Variants in C1orf105 observed in about 807,000 individuals in gnomAD.
C1orf105 encodes uncharacterized protein C1orf105.
In C1orf105, 17 loss-of-function variants were observed where a neutral mutation model predicts 20.8. The ratio of observed to expected loss-of-function variants is 0.82; its 90% confidence interval spans 0.56 to 1.23. The LOEUF (loss-of-function observed/expected upper bound fraction) is 1.23, where lower values mean the gene tolerates loss of function less well. C1orf105 is among the 50% of genes most tolerant of loss of function. The pLI is 0.00. For synonymous variants in C1orf105, 72 were observed against 72.1 expected, an observed-to-expected ratio of 1.00 and a Z score of 0.01; for missense variants, 219 against 213.5, an observed-to-expected ratio of 1.03 and a Z score of -0.16.
intron 1 of C1orf105, among the ~76,000 whole-genome samples, chr1:172,434,298 A>G (rs1450915897): frequency 6.6e-6 from 1 of 152,226 alleles, no homozygotes; most frequent in African/African-American, 2.4e-5. Flanking sequence ...AACAAAATAT[A>G]CATTCTTTTC....
Position 172,448,440 on chromosome 1 carries a change from G to A in C1orf105, c.108-1G>A. On this transcript the variant is annotated splice_acceptor_variant, in intron 2 of 6. Transcript: ENST00000367727. LOFTEE classifies it high-confidence loss of function. ...AACGTTCTCTTGTTTTAATTACTTA[G>A]ATATCCTCATACCTCTGCGACTTTT... is the stretch of plus-strand genomic sequence containing the variant. 3 of 1,598,742 alleles carry A rather than the reference G, an allele frequency of 1.9e-6. No homozygotes were observed. Among genetic ancestry groups the A allele is most frequent in the South Asian group, 1.1e-5 (1 of 90,126 alleles).
chr1:172,453,225 C>A (rs1648860827), intron 3 of C1orf105: 1 of 1,543,796 alleles, frequency 6.5e-7, no homozygotes, highest in East Asian at 2.5e-5. Flanking sequence ...TGCTTTTTAC[C>A]TTTAAATGTA....
chr1:172,461,232 G>A (rs1649670439), intron 4 of C1orf105, among the ~76,000 whole-genome samples: 1 of 152,184 alleles, frequency 6.6e-6, no homozygotes, highest in African/African-American at 2.4e-5. Context: ...AACAAGCTGA[G>A]TAAACATAGT....
intron 1 of C1orf105, among the ~76,000 whole-genome samples, chr1:172,444,592 T>C (rs1173874282): frequency 6.6e-6 from 1 of 152,222 alleles, no homozygotes; most frequent in African/African-American, 2.4e-5. Context: ...TCAGATAAGT[T>C]GTATTTGTCC....
In C1orf105 at chr1:172,462,094, C is replaced by G. The variant is rs541394336; in HGVS notation, c.274-84C>G. The G allele has an allele frequency of 2.8e-5, 29 of 1,036,030 alleles. No homozygotes were observed. In the African/African-American group the frequency reaches 4.0e-4, roughly 14 times the overall value. 64.2% of individuals were successfully genotyped at this position (1,036,030 alleles called of 1,614,324 possible). A position where few individuals can be genotyped will look rare whatever the true frequency, so the allele number is the denominator to read the frequency against. On this transcript the variant is annotated intron_variant, in intron 4 of 6. Coordinates refer to ENST00000367727, the MANE Select transcript of C1orf105 (RefSeq NM_139240.4). The stretch of plus-strand genomic sequence containing the variant: ...TGAAGGACTTTGACATCAAATACAA[C>G]ACAAATTCACTAAAGTGGTACATTA...
intron 1 of C1orf105, chr1:172,441,412 C>G: frequency 4.6e-6 from 1 of 219,472 alleles, no homozygotes; most frequent in Non-Finnish European, 8.9e-6. Context: ...TCTTCATGCC[C>G]CTCTGTCTGC....
intron 5 of C1orf105, 84 bp from the exon 6 acceptor site, chr1:172,465,215 A>C (rs1649955921): frequency 5.0e-6 from 3 of 604,630 alleles, no homozygotes; most frequent in African/African-American, 3.9e-5. Context: ...ATAAATAAAT[A>C]AAAATAAAAA....
chr1:172,438,068 A>T (rs907083654), intron 1 of C1orf105, among the ~76,000 whole-genome samples: 3 of 152,128 alleles, frequency 2.0e-5, no homozygotes, highest in Non-Finnish European at 4.4e-5. Context: ...ATAGCAGCAC[A>T]TCTGTTTACA....
Position 172,465,435 on chromosome 1 carries a change from C to A in C1orf105, c.406+72C>A, listed in dbSNP as rs1649977463. 4 of 1,081,990 alleles carry A rather than the reference C, an allele frequency of 3.7e-6. No individual in the cohort carries two copies. In the South Asian group the frequency reaches 5.0e-5, roughly 14 times the overall value. The allele number at this position is 1,081,990 out of a possible 1,614,324, so 67.0% of individuals were successfully genotyped here. On this transcript the variant is annotated intron_variant, in intron 6 of 6. Coordinates refer to ENST00000367727, the MANE Select transcript of C1orf105 (RefSeq NM_139240.4). ...AAATGCCATAGAATGACAGTCTAAT[C>A]CCTAAAATAATTTCTAAATTTCCTG...
In C1orf105 at chr1:172,442,066, G is replaced by C. The variant is rs140958278; in HGVS notation, c.22-3007G>C. On this transcript the variant is annotated intron_variant, in intron 1 of 6. Coordinates refer to ENST00000367727, the MANE Select transcript of C1orf105 (RefSeq NM_139240.4). ...GGGAAGACGTGATGCCAAGCATACAGAAGCAAAGATGGCCATGTTCAAGGA... is the reference window on the plus strand; with the variant it reads ...GGGAAGACGTGATGCCAAGCATACACAAGCAAAGATGGCCATGTTCAAGGA... 6.3e-5 allele frequency: 102 copies of C among 1,614,244 alleles called. 2 individuals are homozygous for C. The Middle Eastern group carries it at 2.8e-3, about 44-fold the overall frequency.
chr1:172,450,348 A>G (rs1012502980), intron 3 of C1orf105, among the ~76,000 whole-genome samples: 5 of 152,214 alleles, frequency 3.3e-5, no homozygotes, highest in African/African-American at 1.2e-4. Context: ...TTGGGGCACC[A>G]GGCCAGTACC....
At chr1:172,435,967 T>A (rs922477588) in intron 1 of C1orf105, among the ~76,000 whole-genome samples, 3 of 152,116 alleles carry the variant, frequency 2.0e-5, no homozygotes, top group African/African-American at 7.2e-5. Flanking sequence ...CAGAGTCAAA[T>A]CATGAGTGAA....
intron 3 of C1orf105, among the ~76,000 whole-genome samples, chr1:172,455,692 C>T (rs1558141552): frequency 1.3e-5 from 2 of 152,208 alleles, no homozygotes; most frequent in Non-Finnish European, 2.9e-5. Context: ...CCAGTGGTTA[C>T]AGTGAGCAGA....
intron 1 of C1orf105, among the ~76,000 whole-genome samples, chr1:172,436,119 T>C (rs1208713805): frequency 6.6e-6 from 1 of 152,208 alleles, no homozygotes; most frequent in Non-Finnish European, 1.5e-5. Context: ...GAACATTCCA[T>C]GTTCATGGAT....
intron 1 of C1orf105, among the ~76,000 whole-genome samples, chr1:172,421,120 C>G (rs529131432): frequency 6.6e-6 from 1 of 152,226 alleles, no homozygotes; most frequent in South Asian, 2.1e-4. Context: ...TTTCAATGCT[C>G]TTTATCGTAT....
intron 1 of C1orf105, chr1:172,430,973 AG>A: frequency 2.1e-6 from 1 of 471,858 alleles, no homozygotes; most frequent in South Asian, 4.6e-5. Flanking sequence ...CCCATATAAG[AG>A]GGCAAACTTA....
chr1:172,445,131 A>G lies in C1orf105; in HGVS notation c.80A>G (p.Lys27Arg), dbSNP rs1476982281. Reference sequence around the variant, plus strand: ...CTTAGTGAGGCCAGCCTTGTAAACAAGCCATTAGTGCTCAGCCTTCCCAGA... The same window carrying G: ...CTTAGTGAGGCCAGCCTTGTAAACAGGCCATTAGTGCTCAGCCTTCCCAGA... ...PWLSEASLVN[K>R]PLVLSLPRRY... The change falls in exon 2 of 7, where the codon AAG (lysine) becomes AGG (arginine). Residue 27 changes from lysine to arginine, a missense_variant. Coordinates refer to ENST00000367727, the MANE Select transcript of C1orf105 (RefSeq NM_139240.4). 1 of 1,613,328 alleles carries G rather than the reference A, an allele frequency of 6.2e-7. No homozygotes were observed. Among genetic ancestry groups the G allele is most frequent in the East Asian group, 2.2e-5 (1 of 44,838 alleles).
At chr1:172,434,383 C>T (rs568818506) in intron 1 of C1orf105, among the ~76,000 whole-genome samples, 1 of 152,108 alleles carries the variant, frequency 6.6e-6, no homozygotes, top group Non-Finnish European at 1.5e-5. Context: ...TGTAAAAGAA[C>T]AGAAATCACA....
intron 1 of C1orf105, chr1:172,431,298 C>A (rs1283216080): frequency 4.7e-6 from 2 of 423,974 alleles, no homozygotes; most frequent in East Asian, 7.0e-5. Flanking sequence ...GTGGTACTCC[C>A]ATGATAAGAA....
Sources: gnomAD v4.1 joint callset for allele counts (sites outside exome capture counted in the v4.1 genomes callset) on GRCh38, gnomAD v4.1.1 for gene constraint, MANE v1.5 for transcripts, NCBI Gene and HGNC (gene_info 2026-07-23, HGNC 2026-07-21) for gene names.